Variants in SPART observed in about 807,000 individuals in gnomAD.
SPART encodes the protein spastic paraplegia 20 (Troyer syndrome).
A neutral mutation model predicts 58.7 loss-of-function variants in SPART; 35 were observed. That is an observed-to-expected ratio of 0.60 (90% CI 0.46 to 0.79). The LOEUF (loss-of-function observed/expected upper bound fraction) is 0.79, where lower values mean the gene tolerates loss of function less well. Ranked by LOEUF, SPART falls within the 30% of genes least tolerant of loss-of-function variation. The pLI is 0.00. For missense variants in SPART, 730 were observed against 786.1 expected (o/e 0.93, Z 0.85); for synonymous variants, 284 against 280.7 (o/e 1.01, Z -0.12).
intron 1 of SPART, among the ~76,000 whole-genome samples, chr13:36,355,114 A>G (rs1476528520): frequency 6.6e-6 from 1 of 152,214 alleles, no homozygotes; most frequent in Non-Finnish European, 1.5e-5. Flanking sequence ...AGTGATCTTT[A>G]GAACAGATGT....
chr13:36,345,440 A>G (rs930078748), intron 1 of SPART: 5 of 152,226 alleles, frequency 3.3e-5, no homozygotes, highest in Non-Finnish European at 5.9e-5. Context: ...AAAAATTGCT[A>G]CATTCTTAAA....
upstream of SPART, among the ~76,000 whole-genome samples, chr13:36,349,080 A>G (rs1484721170): frequency 2.6e-5 from 4 of 152,166 alleles, no homozygotes; most frequent in Admixed American, 1.3e-4. Flanking sequence ...CCCGACCAAC[A>G]TGAAGAAACC....
At chr13:36,310,967 T>C (rs547113608) in intron 8 of SPART, among the ~76,000 whole-genome samples, 16 of 152,288 alleles carry the variant, frequency 1.1e-4, no homozygotes, top group Non-Finnish European at 1.5e-4. Flanking sequence ...ATAAAAAGTT[T>C]CTGTTATTTC....
At position 36,329,411 on chromosome 13, in the gene SPART, A is replaced by G; in HGVS notation, c.1115T>C (p.Leu372Ser). Reference sequence around the variant, plus strand: ...ACGTACATCCTTATTGCCTTGGTCCAACTGTTTCACATCAGTGCCAGAGGC... The same window carrying G: ...ACGTACATCCTTATTGCCTTGGTCCGACTGTTTCACATCAGTGCCAGAGGC... ...KEASGTDVKQLDQGNKDVRHK... is the reference protein window; with the variant it reads ...KEASGTDVKQSDQGNKDVRHK... Residue 372 changes from leucine to serine, a missense_variant, in exon 4 of 9, where the codon TTG becomes TCG. Physicochemically the swap from Leu to Ser is moderately radical, Grantham distance 145. Coordinates refer to ENST00000438666, the MANE Select transcript of SPART (RefSeq NM_015087.5). 6.2e-7 allele frequency: 1 copy of G among 1,614,168 alleles called. No individual in the cohort carries two copies. The highest frequency in any genetic ancestry group is 2.2e-5 in the East Asian group (1 of 44,862).
chr13:36,366,793 G>A (rs963568445), intron 1 of SPART, among the ~76,000 whole-genome samples: 2 of 77,028 alleles, frequency 2.6e-5, no homozygotes, highest in African/African-American at 5.6e-5. Context: ...TATCTGTGTC[G>A]TTTTATTTAA....
At chr13:36,359,386 G>A (rs1283744883) in intron 1 of SPART, among the ~76,000 whole-genome samples, 1 of 152,162 alleles carries the variant, frequency 6.6e-6, no homozygotes, top group Non-Finnish European at 1.5e-5. Context: ...TTCCCAAGAG[G>A]TAATATACTT....
chr13:36,368,849 A>C (rs889823159), intron 1 of SPART, among the ~76,000 whole-genome samples: 6 of 152,096 alleles, frequency 3.9e-5, no homozygotes, highest in Non-Finnish European at 8.8e-5. Flanking sequence ...AAATACAAAA[A>C]TTAGCTGGGT....
intron 1 of SPART, among the ~76,000 whole-genome samples, chr13:36,366,325 G>A (rs1484667420): frequency 6.6e-6 from 1 of 152,098 alleles, no homozygotes; most frequent in East Asian, 1.9e-4. Flanking sequence ...ATCTCATCCT[G>A]TCTCTCTATC....
chr13:36,301,810 C>G lies in SPART; in HGVS notation c.*2555G>C, dbSNP rs1566100190. ...CATAAAGTCTCTTGCATATGTGTAC[C>G]AGGGGACAGTCAAGGATGTTTTGAG... On this transcript the variant is annotated 3_prime_UTR_variant, in exon 9 of 9. Coordinates refer to ENST00000438666, the MANE Select transcript of SPART (RefSeq NM_015087.5). The G allele has an allele frequency of 6.6e-6, 1 of 152,088 alleles. No homozygotes were observed. 9.4% of individuals were successfully genotyped at this position (152,088 alleles called of 1,614,324 possible). A position where few individuals can be genotyped will look rare whatever the true frequency, so the allele number is the denominator to read the frequency against.
intron 1 of SPART, among the ~76,000 whole-genome samples, chr13:36,356,817 G>C (rs1566148212): frequency 6.6e-6 from 1 of 152,130 alleles, no homozygotes. Context: ...GACTCTTTTT[G>C]TCAACATAAG....
At chr13:36,316,750 T>G (rs1881757376) in intron 5 of SPART, among the ~76,000 whole-genome samples, 1 of 152,168 alleles carries the variant, frequency 6.6e-6, no homozygotes, top group Non-Finnish European at 1.5e-5. Flanking sequence ...TTTGGTGGTC[T>G]CTTCACACAG....
At chr13:36,347,078 T>C (rs1264874462), upstream of SPART, among the ~76,000 whole-genome samples, 2 of 152,192 alleles carry the variant, frequency 1.3e-5, no homozygotes, top group Non-Finnish European at 2.9e-5. Flanking sequence ...TACTTTACCC[T>C]TCTTGACAAG....
chr13:36,365,636 T>C lies in SPART; in HGVS notation c.-3+4453A>G. The C allele has an allele frequency of 6.4e-6, 3 of 468,534 alleles. 1 individual carries two copies. The highest frequency in any genetic ancestry group is 4.7e-5 in the South Asian group (3 of 63,470). 29.0% of individuals were successfully genotyped at this position (468,534 alleles called of 1,614,324 possible). ...TGAAATATTTATCCAACTTTATCCC[T>C]AGTTTTTTGACTTTGTAAGGGTGAG... is the stretch of plus-strand genomic sequence containing the variant. On this transcript the variant is annotated intron_variant, in intron 1 of 8. Transcript: ENST00000355182.
In SPART at chr13:36,303,607, T is replaced by C. The variant is rs187517838; in HGVS notation, c.*758A>G. The C allele has an allele frequency of 1.0e-4, 16 of 152,426 alleles. 1 individual carries two copies. The East Asian group carries it at 3.1e-3, about 29-fold the overall frequency. 9.4% of individuals were successfully genotyped at this position (152,426 alleles called of 1,614,324 possible). On this transcript the variant is annotated 3_prime_UTR_variant, in exon 9 of 9. Transcript: ENST00000438666. ...AAGCAGATATGATAAAATAATTTCT[T>C]GAAGTACTTTTTTAATCCAATTAAG...
chr13:36,317,525 G>GT (rs1881852838), intron 5 of SPART, among the ~76,000 whole-genome samples: 1 of 3,784 alleles, frequency 2.6e-4, no homozygotes, highest in Admixed American at 4.1e-3. Context: ...TTATTTCCGT[G>GT]CCCCACCCCT....
At chr13:36,357,708 T>G (rs1457305375) in intron 1 of SPART, among the ~76,000 whole-genome samples, 1 of 152,236 alleles carries the variant, frequency 6.6e-6, no homozygotes, top group East Asian at 1.9e-4. Context: ...TCTATGTAAT[T>G]GTGGATTACA....
chr13:36,330,577 T>G (rs1476967052), intron 3 of SPART, among the ~76,000 whole-genome samples: 1 of 152,152 alleles, frequency 6.6e-6, no homozygotes, highest in Non-Finnish European at 1.5e-5. Flanking sequence ...AAGATTATAC[T>G]ATTATAATGC....
intron 2 of SPART, among the ~76,000 whole-genome samples, chr13:36,332,248 CT>C (rs1291895994): frequency 1.3e-5 from 2 of 152,184 alleles, no homozygotes; most frequent in African/African-American, 4.8e-5. Flanking sequence ...TCCCAACACT[CT>C]GGGAGGCCAA....
chr13:36,313,316 A>G lies in SPART; in HGVS notation c.1484-839T>C, dbSNP rs533565778. Among the ~76,000 whole-genome samples, 4 of 152,238 alleles carry G rather than the reference A, an allele frequency of 2.6e-5. No homozygotes were observed. The South Asian group carries it at 6.2e-4, about 24-fold the overall frequency. On this transcript the variant is annotated intron_variant, in intron 6 of 8. Coordinates refer to ENST00000438666, the MANE Select transcript of SPART (RefSeq NM_015087.5). ...ATGGTTTGGTCATTTCAGACATTTC[A>G]TGGTCCCATAAGATTATAATGGAGC...
Sources: gnomAD v4.1 joint callset for allele counts (sites outside exome capture counted in the v4.1 genomes callset) on GRCh38, gnomAD v4.1.1 for gene constraint, MANE v1.5 for transcripts, NCBI Gene and HGNC (gene_info 2026-07-23, HGNC 2026-07-21) for gene names.